Variants in FUT9 observed in about 807,000 individuals in gnomAD.
FUT9 encodes fucosyltransferase 9.
A neutral mutation model predicts 29.7 loss-of-function variants in FUT9; 15 were observed. That is an observed-to-expected ratio of 0.51 (90% CI 0.34 to 0.78). FUT9 has a LOEUF of 0.78. FUT9 is among the 30% of genes least tolerant of loss of function. The pLI, the probability that FUT9 is intolerant of heterozygous loss-of-function variation, is 0.01. For synonymous variants in FUT9, 169 were observed against 153.7 expected (o/e 1.10, Z -0.74); for missense variants, 319 against 425.4 (o/e 0.75, Z 2.20).
At chr6:96,129,101 C>A (rs1488138511) in intron 2 of FUT9, among the ~76,000 whole-genome samples, 58 of 134,440 alleles carry the variant, frequency 4.3e-4, no homozygotes, top group South Asian at 7.4e-4. Flanking sequence ...ACTAAAAATA[C>A]AAAAAAAAAA....
intron 1 of FUT9, among the ~76,000 whole-genome samples, chr6:96,054,733 T>G (rs1770732195): frequency 6.6e-6 from 1 of 152,146 alleles, no homozygotes; most frequent in Non-Finnish European, 1.5e-5. Context: ...CCTTATAAAC[T>G]TGTTTGCAGT....
chr6:96,066,171 G>A (rs928363724), intron 1 of FUT9, among the ~76,000 whole-genome samples: 1 of 152,056 alleles, frequency 6.6e-6, no homozygotes, highest in Non-Finnish European at 1.5e-5. Flanking sequence ...TAAGGAAATA[G>A]TTAAGAAAGT....
At chr6:96,195,810 T>C (rs1773614189) in intron 2 of FUT9, among the ~76,000 whole-genome samples, 2 of 152,164 alleles carry the variant, frequency 1.3e-5, no homozygotes, top group Admixed American at 6.5e-5. Context: ...ATTATAAGCA[T>C]TCATGTAGTA....
intron 2 of FUT9, among the ~76,000 whole-genome samples, chr6:96,188,934 T>C (rs1022563494): frequency 5.3e-5 from 8 of 152,052 alleles, no homozygotes; most frequent in African/African-American, 1.9e-4. Context: ...GCCCAATCTT[T>C]GCCTTATGAG....
At chr6:96,043,981 A>G (rs1001393724) in intron 1 of FUT9, among the ~76,000 whole-genome samples, 4 of 152,220 alleles carry the variant, frequency 2.6e-5, no homozygotes, top group Non-Finnish European at 4.4e-5. Flanking sequence ...TGGCCTTAGC[A>G]TCACTTTGGC....
At chr6:96,084,849 C>A (rs1771290109) in intron 1 of FUT9, among the ~76,000 whole-genome samples, 1 of 152,078 alleles carries the variant, frequency 6.6e-6, no homozygotes, top group Admixed American at 6.5e-5. Context: ...TGATATACAT[C>A]CCTGTTTATA....
At chr6:96,105,712 CTA>C (rs1053769816) in intron 1 of FUT9, among the ~76,000 whole-genome samples, 1 of 152,022 alleles carries the variant, frequency 6.6e-6, no homozygotes, top group Admixed American at 6.6e-5. Context: ...TGATAAGTTT[CTA>C]TAGTTTTTTT....
Position 96,120,306 on chromosome 6 carries a change from T to G in FUT9, c.-9+6179T>G, listed in dbSNP as rs187068444. On this transcript the variant is annotated intron_variant, in intron 2 of 2. Transcript: ENST00000302103. ...TTTTTTTTGAGATGGAGTCTCTCTG[T>G]GTTGCCCAGACTGGAGTGCAGTGGT... Among the ~76,000 whole-genome samples the G allele has an allele frequency of 3.5e-3, 506 of 144,286 alleles. 1 individual carries two copies. The highest frequency in any genetic ancestry group is 6.1e-3 in the Non-Finnish European group (402 of 66,198). The allele number at this position is 144,286 out of a possible 152,430, so 94.7% of individuals were successfully genotyped here. A position where few individuals can be genotyped will look rare whatever the true frequency, so the allele number is the denominator to read the frequency against.
At chr6:96,133,813 A>T (rs1388895927) in intron 2 of FUT9, among the ~76,000 whole-genome samples, 1 of 151,968 alleles carries the variant, frequency 6.6e-6, no homozygotes, top group Non-Finnish European at 1.5e-5. Context: ...TAGACTCTCA[A>T]GTAAATAATA....
intron 2 of FUT9, among the ~76,000 whole-genome samples, chr6:96,177,795 T>C (rs1582287788): frequency 6.6e-6 from 1 of 152,286 alleles, no homozygotes; most frequent in South Asian, 2.1e-4. Flanking sequence ...ATTAAAATTA[T>C]TATCATTTTT....
intron 1 of FUT9, among the ~76,000 whole-genome samples, chr6:96,051,761 C>T (rs1445620713): frequency 6.6e-6 from 1 of 151,674 alleles, no homozygotes; most frequent in Admixed American, 6.6e-5. Flanking sequence ...ACATGATTTG[C>T]AAACCAATAT....
At chr6:96,061,769 C>T (rs1337304943) in intron 1 of FUT9, among the ~76,000 whole-genome samples, 1 of 152,028 alleles carries the variant, frequency 6.6e-6, no homozygotes, top group African/African-American at 2.4e-5. Flanking sequence ...GTAATTCTTT[C>T]CTCTCTGGTG....
chr6:96,115,928 A>G (rs1771902835), intron 2 of FUT9, among the ~76,000 whole-genome samples: 2 of 152,186 alleles, frequency 1.3e-5, no homozygotes, highest in Admixed American at 1.3e-4. Flanking sequence ...TTTGCTGATC[A>G]CAGCCCTCCT....
In FUT9 at chr6:96,049,183, C is replaced by T. The variant is rs538858211; in HGVS notation, c.-98+32971C>T. ...GAAAGTAATGGATAGGAAGAAGAGG[C>T]GGACATAGAGTCATCAAATCATCTC... On this transcript the variant is annotated intron_variant, in intron 1 of 2. Transcript: ENST00000302103. Among the ~76,000 whole-genome samples the T allele has an allele frequency of 3.9e-5, 6 of 152,126 alleles. No individual in the cohort carries two copies. The South Asian group carries it at 6.2e-4, about 16-fold the overall frequency.
At chr6:96,170,533 A>T (rs1773092762) in intron 2 of FUT9, among the ~76,000 whole-genome samples, 1 of 126,966 alleles carries the variant, frequency 7.9e-6, no homozygotes, top group Non-Finnish European at 1.7e-5. Context: ...GTTAAATCAG[A>T]ATAAAATCCC....
chr6:96,110,037 C>A (rs1304045913), intron 1 of FUT9, among the ~76,000 whole-genome samples: 1 of 152,140 alleles, frequency 6.6e-6, no homozygotes, highest in Non-Finnish European at 1.5e-5. Context: ...AATGCTAGAT[C>A]TTGAATATAA....
At chr6:96,202,633 G>A (rs780714899) in intron 2 of FUT9, among the ~76,000 whole-genome samples, 8 of 152,004 alleles carry the variant, frequency 5.3e-5, no homozygotes, top group Non-Finnish European at 8.8e-5. Flanking sequence ...AAACTGTGAA[G>A]GTAAATTTAT....
At position 96,203,795 on chromosome 6, in the gene FUT9, G is replaced by A; in HGVS notation, c.640G>A (p.Glu214Lys). 6.2e-7 allele frequency: 1 copy of A among 1,613,806 alleles called. No individual in the cohort carries two copies. Among genetic ancestry groups the A allele is most frequent in the African/African-American group, 1.3e-5 (1 of 75,036 alleles). ...TTACAATGAGCTAAGCAAAAGCATT[G>A]AAATCCATACCTACGGGCAAGCATT... ...KYYNELSKSI[E>K]IHTYGQAFGE... The change falls in exon 3 of 3, where the codon GAA (glutamate) becomes AAA (lysine). Residue 214 changes from glutamate to lysine, a missense_variant. Transcript: ENST00000302103.
chr6:96,082,696 T>C (rs188600920), intron 1 of FUT9, among the ~76,000 whole-genome samples: 4 of 151,956 alleles, frequency 2.6e-5, no homozygotes, highest in Non-Finnish European at 4.4e-5. Context: ...TCTTAAAATC[T>C]TTAAACAATT....
Sources: allele counts gnomAD v4.1 joint callset (sites outside exome capture counted in the v4.1 genomes callset), GRCh38; gene constraint gnomAD v4.1.1; transcripts MANE v1.5; gene names NCBI Gene and HGNC (gene_info 2026-07-23, HGNC 2026-07-21).